Variants in MAGI1 observed in about 807,000 individuals in gnomAD.
The protein encoded by MAGI1 is membrane-associated guanylate kinase, WW and PDZ domain-containing protein 1.
In MAGI1, 58 loss-of-function variants were observed where a neutral mutation model predicts 139.9. That is an observed-to-expected ratio of 0.41 (90% CI 0.34 to 0.52). MAGI1 has a LOEUF of 0.52. Ranked by LOEUF, MAGI1 falls within the 20% of genes least tolerant of loss-of-function variation. The pLI is 0.12. For missense variants in MAGI1, 1,874 were observed against 1,901.6 expected (o/e 0.99, Z 0.27); for synonymous variants, 812 against 737.9 (o/e 1.10, Z -1.63).
At chr3:65,864,317 A>G (rs1403752814) in intron 1 of MAGI1, among the ~76,000 whole-genome samples, 2 of 152,360 alleles carry the variant, frequency 1.3e-5, no homozygotes, top group East Asian at 3.9e-4. Context: ...GAAAGGATCT[A>G]TGTGGAGTGA....
intron 22 of MAGI1, chr3:65,359,144 G>T (rs770577938): frequency 1.9e-6 from 3 of 1,613,468 alleles, no homozygotes; most frequent in Non-Finnish European, 2.5e-6. Context: ...ATATTAGGAG[G>T]TATCATCGCT....
intron 2 of MAGI1, among the ~76,000 whole-genome samples, chr3:65,588,696 G>A (rs1399931935): frequency 2.0e-5 from 3 of 152,184 alleles, no homozygotes; most frequent in Non-Finnish European, 4.4e-5. Context: ...GCAATGTACT[G>A]TCTGTCATTC....
intron 2 of MAGI1, among the ~76,000 whole-genome samples, chr3:65,612,899 A>C (rs2083193116): frequency 6.6e-6 from 1 of 152,218 alleles, no homozygotes. Flanking sequence ...TTATAATTGC[A>C]ACAAATCTTG....
chr3:65,440,547 GA>G (rs1948212461), intron 8 of MAGI1, among the ~76,000 whole-genome samples: 1 of 152,136 alleles, frequency 6.6e-6, no homozygotes, highest in African/African-American at 2.4e-5. Context: ...TACAATGCCA[GA>G]ACTGCTGTGT....
At chr3:65,401,518 T>C (rs1219805071) in intron 12 of MAGI1, 48 bp from the exon 13 acceptor site, 1 of 1,600,478 alleles carries the variant, frequency 6.2e-7, no homozygotes, top group African/African-American at 1.3e-5. Flanking sequence ...ATCATTAGCA[T>C]ATAAATGTTA....
intron 1 of MAGI1, among the ~76,000 whole-genome samples, chr3:66,013,773 AAAAG>A (rs1326977178): frequency 6.6e-6 from 1 of 151,948 alleles, no homozygotes; most frequent in Non-Finnish European, 1.5e-5. Context: ...AAAAAAAAAA[AAAAG>A]AAAGAAAGAA....
At chr3:65,708,687 C>T (rs2030823522) in intron 1 of MAGI1, among the ~76,000 whole-genome samples, 1 of 146,046 alleles carries the variant, frequency 6.8e-6, no homozygotes, top group African/African-American at 2.6e-5. Context: ...GAGTAAAAAG[C>T]AAAAGAAGAA....
intron 1 of MAGI1, among the ~76,000 whole-genome samples, chr3:65,623,096 A>C (rs1162796959): frequency 6.6e-6 from 1 of 152,226 alleles, no homozygotes; most frequent in South Asian, 2.1e-4. Flanking sequence ...GAATCATATG[A>C]AAGTTTTAAC....
chr3:65,576,153 T>A (rs550809011), intron 2 of MAGI1, among the ~76,000 whole-genome samples: 41 of 152,334 alleles, frequency 2.7e-4, no homozygotes, highest in African/African-American at 9.1e-4. Context: ...ACACACAGAT[T>A]TTATAAAATG....
chr3:65,854,767 C>T (rs1006822428), intron 1 of MAGI1, among the ~76,000 whole-genome samples: 6 of 152,244 alleles, frequency 3.9e-5, no homozygotes, highest in East Asian at 3.8e-4. Context: ...CCATGACTCG[C>T]AGTTCCTGCA....
intron 2 of MAGI1, among the ~76,000 whole-genome samples, chr3:65,620,966 T>A (rs2083636110): frequency 6.6e-6 from 1 of 152,170 alleles, no homozygotes; most frequent in South Asian, 2.1e-4. Context: ...CAGAAAGAAT[T>A]AGCTAATGTT....
In MAGI1 at chr3:65,471,856, T is replaced by TG. The variant is rs1376511389; in HGVS notation, c.758-1373dup. 2.0e-5 allele frequency among the ~76,000 whole-genome samples: 3 copies of TG among 152,294 alleles called. No homozygotes were observed. In the East Asian group the frequency reaches 5.8e-4, roughly 29 times the overall value. On this transcript the variant is annotated intron_variant, in intron 4 of 22. Transcript: ENST00000402939. The stretch of plus-strand genomic sequence containing the variant: ...TGGTCGCTTGAGGCTGGAGCCTGTT[T>TG]GCTAATAGGTTCTCATGCTGCAGGT...
Position 65,379,524 on chromosome 3 carries a change from G to A in MAGI1, c.2732C>T (p.Pro911Leu), listed in dbSNP as rs1386153557. The change falls in exon 17 of 23, where the codon CCA (proline) becomes CTA (leucine). Residue 911 changes from proline to leucine, a missense_variant. Transcript: ENST00000402939. ...VPKTENEVPS[P>L]ASSHHSSNQP... ...GTTGCTACTGTGATGAGAGGAGGCT[G>A]GCGAGGGCACCTCGTTCTCGGTTTT... The A allele has an allele frequency of 2.5e-6, 4 of 1,611,452 alleles. No homozygotes were observed. Among genetic ancestry groups the A allele is most frequent in the South Asian group, 1.1e-5 (1 of 91,034 alleles).
At chr3:65,966,363 A>G (rs2064740277) in intron 1 of MAGI1, among the ~76,000 whole-genome samples, 1 of 152,342 alleles carries the variant, frequency 6.6e-6, no homozygotes, top group African/African-American at 2.4e-5. Context: ...TTCAATAGCT[A>G]AAAGTTACAC....
At chr3:65,676,907 C>T (rs890451195) in intron 1 of MAGI1, among the ~76,000 whole-genome samples, 11 of 152,172 alleles carry the variant, frequency 7.2e-5, no homozygotes, top group Non-Finnish European at 1.6e-4. Context: ...TACAAACATA[C>T]CAGATTCCAT....
chr3:65,809,175 T>G (rs1400598778), intron 1 of MAGI1, among the ~76,000 whole-genome samples: 1 of 152,184 alleles, frequency 6.6e-6, no homozygotes, highest in Admixed American at 6.5e-5. Flanking sequence ...GTAAAAAGGT[T>G]TCACACAGCA....
intron 1 of MAGI1, among the ~76,000 whole-genome samples, chr3:66,026,280 C>A (rs982510377): frequency 6.6e-6 from 1 of 152,080 alleles, no homozygotes; most frequent in Non-Finnish European, 1.5e-5. Flanking sequence ...AGAATAAAGG[C>A]CCTCTAAGAC....
At chr3:65,677,903 CAA>C (rs2087300853) in intron 1 of MAGI1, among the ~76,000 whole-genome samples, 1 of 152,186 alleles carries the variant, frequency 6.6e-6, no homozygotes, top group Non-Finnish European at 1.5e-5. Context: ...TTCACAAAAG[CAA>C]AGACTTGGAA....
chr3:65,609,149 T>C (rs1028345177), intron 2 of MAGI1, among the ~76,000 whole-genome samples: 22 of 152,146 alleles, frequency 1.4e-4, no homozygotes, highest in African/African-American at 5.3e-4. Flanking sequence ...GTTCAAAATA[T>C]TGACCTGGGA....
Sources: allele counts gnomAD v4.1 joint callset (sites outside exome capture counted in the v4.1 genomes callset), GRCh38; gene constraint gnomAD v4.1.1; transcripts MANE v1.5; gene names NCBI Gene and HGNC (gene_info 2026-07-23, HGNC 2026-07-21).